Variants in AKAP12 observed in about 807,000 individuals in gnomAD.
AKAP12 encodes A-kinase anchoring protein 12, also known as A-kinase anchor protein 12.
In AKAP12, 32 loss-of-function variants were observed where a neutral mutation model predicts 79.9. The observed-to-expected ratio is 0.40, with a 90% CI of 0.30 to 0.54. AKAP12 has a LOEUF of 0.54. Ranked by LOEUF, AKAP12 falls within the 20% of genes least tolerant of loss-of-function variation. The pLI, the probability that AKAP12 is intolerant of heterozygous loss-of-function variation, is 0.48. For missense variants in AKAP12, 2,074 were observed against 2,177.0 expected (o/e 0.95, Z 0.94); for synonymous variants, 808 against 857.0 (o/e 0.94, Z 1.00).
chr6:151,252,783 G>A (rs185965706), intron 2 of AKAP12, among the ~76,000 whole-genome samples: 2 of 149,668 alleles, frequency 1.3e-5, no homozygotes, highest in East Asian at 2.0e-4. Flanking sequence ...AAGAGATGCC[G>A]CCGGATGAGC....
chr6:151,351,502 G>A lies in AKAP12; in HGVS notation c.3111G>A (p.Arg1037=), dbSNP rs1778289459. 1.2e-6 allele frequency: 2 copies of A among 1,614,166 alleles called. No homozygotes were observed. Among genetic ancestry groups the A allele is most frequent in the Non-Finnish European group, 1.7e-6 (2 of 1,180,026 alleles). ...TACCTGACATAGAAGAGCAAGAGAGGCGGACTCAAGAGGTCCTCCAGGCAG... is the reference window on the plus strand; with the variant it reads ...TACCTGACATAGAAGAGCAAGAGAGACGGACTCAAGAGGTCCTCCAGGCAG... ...GGVPDIEEQE[R]RTQEVLQAVA... is the part of the protein sequence containing the mutation. The change falls in exon 4 of 5, where the codon AGG becomes AGA. Residue 1037 remains arginine (R), a synonymous_variant. Coordinates refer to ENST00000402676, the MANE Select transcript of AKAP12 (RefSeq NM_005100.4). This position sits in a 1 kb window ranked among gnomAD's most constrained non-coding sequence, Gnocchi z 4.4.
At chr6:151,282,522 G>C (rs1158049685) in intron 2 of AKAP12, among the ~76,000 whole-genome samples, 1 of 152,156 alleles carries the variant, frequency 6.6e-6, no homozygotes, top group Non-Finnish European at 1.5e-5. Context: ...GGTGCCCAGG[G>C]AAGAGGCTTG....
At chr6:151,292,985 G>T (rs1434527497) in intron 2 of AKAP12, among the ~76,000 whole-genome samples, 1 of 152,220 alleles carries the variant, frequency 6.6e-6, no homozygotes, top group African/African-American at 2.4e-5. Flanking sequence ...ACACACCTTT[G>T]ATTAGAAGAA....
chr6:151,353,548 C>T lies in AKAP12; in HGVS notation c.5157C>T (p.Ala1719=), dbSNP rs751277305. The change falls in exon 4 of 5, where the codon GCC becomes GCT. Residue 1719 remains alanine, a synonymous_variant. Transcript: ENST00000402676. ...ACTCAGCCCTGGCTGATACTGATGC[C>T]TCAGGAGGCTTAACCAAAGAGTCCC... ...NQNSALADTD[A]SGGLTKESPD... The T allele has an allele frequency of 1.9e-6, 3 of 1,614,128 alleles. No homozygotes were observed. In the South Asian group the frequency reaches 3.3e-5, roughly 18 times the overall value.
chr6:151,247,688 T>A (rs1797102007), intron 2 of AKAP12, among the ~76,000 whole-genome samples: 1 of 152,170 alleles, frequency 6.6e-6, no homozygotes. Context: ...AATGTTGAGA[T>A]CAGGGATTGG....
At chr6:151,288,888 G>T (rs1394913839) in intron 2 of AKAP12, among the ~76,000 whole-genome samples, 2 of 152,208 alleles carry the variant, frequency 1.3e-5, no homozygotes, top group Admixed American at 1.3e-4. Flanking sequence ...ATCGCTAGAT[G>T]CGCCCTGTAG....
At chr6:151,341,624 G>C (rs1261262302) in intron 3 of AKAP12, 2 of 954,164 alleles carry the variant, frequency 2.1e-6, no homozygotes, top group Non-Finnish European at 2.6e-6. Context: ...CCTCACGGGC[G>C]GCTGTTGGGC....
intron 2 of AKAP12, among the ~76,000 whole-genome samples, chr6:151,250,330 T>TAAAA: frequency 1.3e-5 from 2 of 151,542 alleles, no homozygotes; most frequent in African/African-American, 4.8e-5. Context: ...AAACTCCGCT[T>TAAAA]TACTAAAAAT....
intron 2 of AKAP12, among the ~76,000 whole-genome samples, chr6:151,257,388 C>T (rs1797323218): frequency 6.6e-6 from 1 of 152,150 alleles, no homozygotes; most frequent in Non-Finnish European, 1.5e-5. Context: ...CCTCTGCCTC[C>T]CAGGTTCAAG....
At chr6:151,295,042 A>G (rs1028979294) in intron 2 of AKAP12, among the ~76,000 whole-genome samples, 1 of 152,194 alleles carries the variant, frequency 6.6e-6, no homozygotes, top group Non-Finnish European at 1.5e-5. Flanking sequence ...GGAGCACAGA[A>G]CACTTCTGAG....
At chr6:151,347,656 A>G (rs1778135335) in intron 3 of AKAP12, among the ~76,000 whole-genome samples, 1 of 152,262 alleles carries the variant, frequency 6.6e-6, no homozygotes, top group African/African-American at 2.4e-5. Context: ...ACATTAATCT[A>G]TTAAGATTTG....
intron 2 of AKAP12, among the ~76,000 whole-genome samples, chr6:151,258,472 A>G (rs888660283): frequency 4.6e-5 from 7 of 152,174 alleles, no homozygotes; most frequent in African/African-American, 1.7e-4. Context: ...GCAAATAACT[A>G]TATTCTGAGA....
chr6:151,313,378 GT>G (rs764566548), intron 3 of AKAP12, among the ~76,000 whole-genome samples: 11 of 152,170 alleles, frequency 7.2e-5, no homozygotes, highest in Non-Finnish European at 1.6e-4. Context: ...GTTTTGTAAT[GT>G]TTTGAAGACT....
In AKAP12 at chr6:151,240,458, C is replaced by A. The variant is rs1796948696; in HGVS notation, c.-105C>A. 8.0e-7 allele frequency: 1 copy of A among 1,246,706 alleles called. No homozygotes were observed. The highest frequency in any genetic ancestry group is 1.6e-5 in the African/African-American group (1 of 63,546). The allele number at this position is 1,246,706 out of a possible 1,614,324, so 77.2% of individuals were successfully genotyped here. ...AGTCGGCTGGCGGCGAAGGAAGGCG[C>A]TCTCGGGACCTCGCGGGCGCGCGTC... On this transcript the variant is annotated 5_prime_UTR_variant, in exon 2 of 5. Transcript: ENST00000402676.
At chr6:151,310,638 C>T (rs895711450) in intron 3 of AKAP12, among the ~76,000 whole-genome samples, 4 of 152,092 alleles carry the variant, frequency 2.6e-5, no homozygotes, top group African/African-American at 9.7e-5. Context: ...ATCTGTTAGG[C>T]AGATGATTTT....
chr6:151,289,236 C>T (rs1428910479), intron 2 of AKAP12, among the ~76,000 whole-genome samples: 1 of 152,174 alleles, frequency 6.6e-6, no homozygotes, highest in Non-Finnish European at 1.5e-5. Flanking sequence ...AGCCCTCGAG[C>T]GCAGACGGGG....
Position 151,349,306 on chromosome 6 carries a change from C to T in AKAP12, c.915C>T (p.Ala305=), listed in dbSNP as rs751901844. 2.9e-5 allele frequency: 47 copies of T among 1,613,536 alleles called. No homozygotes were observed. Among genetic ancestry groups the T allele is most frequent in the East Asian group, 8.9e-5 (4 of 44,886 alleles). ...TFKKFFTQGW[A]GWRKKTSFRK... is the part of the protein sequence containing the mutation. ...AAAAATTCTTCACTCAAGGTTGGGC[C>T]GGCTGGCGCAAAAAGACCAGTTTCA... Residue 305 remains alanine (A), a synonymous_variant, in exon 4 of 5, where the codon GCC becomes GCT. Transcript: ENST00000402676.
Position 151,322,760 on chromosome 6 carries a change from T to C in AKAP12, c.319+16857T>C, listed in dbSNP as rs6919870. 4.1e-3 allele frequency among the ~76,000 whole-genome samples: 589 copies of C among 144,864 alleles called. 4 individuals carry two copies. The highest frequency in any genetic ancestry group is 0.016 in the African/African-American group (560 of 35,386). On this transcript the variant is annotated intron_variant, in intron 3 of 4. Transcript: ENST00000402676. ...TCCACCACCCACTCCTGCCACTGGG[T>C]GTGTGCACCATCCATGACTGAGCTC...
chr6:151,295,909 A>G (rs959939413), intron 2 of AKAP12, among the ~76,000 whole-genome samples: 5 of 152,126 alleles, frequency 3.3e-5, no homozygotes, highest in Non-Finnish European at 5.9e-5. Context: ...TGGTGAGGAG[A>G]TGTTCACCCC....
Sources: allele counts gnomAD v4.1 joint callset (sites outside exome capture counted in the v4.1 genomes callset), GRCh38; gene constraint gnomAD v4.1.1; non-coding constraint Gnocchi (gnomAD v3.1); transcripts MANE v1.5; gene names NCBI Gene and HGNC (gene_info 2026-07-23, HGNC 2026-07-21).